Variants in TRAPPC9 observed in about 807,000 individuals in gnomAD.
The protein encoded by TRAPPC9 is trafficking protein particle complex subunit 9.
A neutral mutation model predicts 124.0 loss-of-function variants in TRAPPC9; 83 were observed. The observed-to-expected ratio is 0.67, with a 90% CI of 0.56 to 0.80. TRAPPC9 has a LOEUF of 0.80. Ranked by LOEUF, TRAPPC9 falls within the 30% of genes least tolerant of loss-of-function variation. The pLI is 0.00. For synonymous variants in TRAPPC9, 638 were observed against 617.5 expected (o/e 1.03, Z -0.49); for missense variants, 1,302 against 1,508.3 (o/e 0.86, Z 2.27).
At chr8:140,020,406 G>A (rs1310354084) in intron 18 of TRAPPC9, among the ~76,000 whole-genome samples, 3 of 152,128 alleles carry the variant, frequency 2.0e-5, no homozygotes. Context: ...CAGGAGGATT[G>A]CTTGAGGCCA....
intron 19 of TRAPPC9, among the ~76,000 whole-genome samples, chr8:139,948,730 T>C (rs1354001635): frequency 6.6e-6 from 1 of 152,202 alleles, no homozygotes; most frequent in Non-Finnish European, 1.5e-5. Flanking sequence ...CTTTGCAGCC[T>C]TTCCCATTAT....
intron 17 of TRAPPC9, among the ~76,000 whole-genome samples, chr8:140,204,229 T>C (rs2062864427): frequency 6.6e-6 from 1 of 151,996 alleles, no homozygotes; most frequent in African/African-American, 2.4e-5. Context: ...AACCCAAATG[T>C]CCATCAATGA....
At chr8:140,431,475 AC>A (rs2070645224) in intron 4 of TRAPPC9, among the ~76,000 whole-genome samples, 3 of 151,948 alleles carry the variant, frequency 2.0e-5, no homozygotes. Flanking sequence ...AAAACTACTG[AC>A]CCACCTCAAA....
At chr8:139,926,692 C>T (rs183599971) in intron 19 of TRAPPC9, among the ~76,000 whole-genome samples, 26 of 151,600 alleles carry the variant, frequency 1.7e-4, no homozygotes, top group Non-Finnish European at 3.4e-4. Flanking sequence ...GCACTCCAGC[C>T]TGGGTGACAG....
At chr8:139,817,045 A>ACACACACACACACACACACAC (rs1824887532) in intron 21 of TRAPPC9, among the ~76,000 whole-genome samples, 1 of 135,288 alleles carries the variant, frequency 7.4e-6, no homozygotes, top group African/African-American at 2.9e-5. Flanking sequence ...ACATAAACTA[A>ACACACACACACACACACACAC]ACACACACAC....
At chr8:140,430,278 C>T (rs2070591736) in intron 4 of TRAPPC9, among the ~76,000 whole-genome samples, 1 of 152,154 alleles carries the variant, frequency 6.6e-6, no homozygotes, top group African/African-American at 2.4e-5. Context: ...AGAACTGTCA[C>T]CCCATGACCT....
chr8:139,997,874 C>T (rs1339584721), intron 18 of TRAPPC9, among the ~76,000 whole-genome samples: 5,331 of 25,480 alleles, frequency 0.21, 1,257 homozygotes, highest in East Asian at 0.54. Flanking sequence ...CAATGCATCC[C>T]ACACAGGGGA....
chr8:139,793,918 T>A (rs747230274), intron 21 of TRAPPC9, among the ~76,000 whole-genome samples: 1 of 152,072 alleles, frequency 6.6e-6, no homozygotes, highest in Non-Finnish European at 1.5e-5. Flanking sequence ...TCCTCTCCCA[T>A]CATCCCTACG....
At chr8:139,757,014 G>C (rs1341606340) in intron 21 of TRAPPC9, among the ~76,000 whole-genome samples, 8 of 137,302 alleles carry the variant, frequency 5.8e-5, no homozygotes, top group African/African-American at 8.3e-5. Flanking sequence ...GAGGAGCCAG[G>C]GTTTGGGGAT....
intron 9 of TRAPPC9, among the ~76,000 whole-genome samples, chr8:140,335,356 T>C (rs1389890438): frequency 2.0e-5 from 3 of 152,108 alleles, no homozygotes; most frequent in Non-Finnish European, 4.4e-5. Context: ...AATCCCCACA[T>C]GAGAGAAACT....
intron 9 of TRAPPC9, among the ~76,000 whole-genome samples, chr8:140,326,192 C>T (rs999711489): frequency 2.7e-5 from 4 of 149,938 alleles, no homozygotes; most frequent in Admixed American, 6.6e-5. Context: ...CGAGACCATC[C>T]TGGCTAACAC....
chr8:139,988,596 G>T (rs1837411847), intron 19 of TRAPPC9, 130 bp downstream of exon 19: 2 of 691,628 alleles, frequency 2.9e-6, no homozygotes, highest in Admixed American at 4.2e-5. Flanking sequence ...AGTCACTACG[G>T]TATCTCTGAA....
chr8:139,861,060 G>A (rs781066056), intron 21 of TRAPPC9, among the ~76,000 whole-genome samples: 6 of 152,244 alleles, frequency 3.9e-5, no homozygotes, highest in Admixed American at 6.5e-5. Context: ...ATATGCTGGC[G>A]GGAAGAACTG....
At chr8:139,982,742 C>T (rs1836994800) in intron 19 of TRAPPC9, among the ~76,000 whole-genome samples, 1 of 152,240 alleles carries the variant, frequency 6.6e-6, no homozygotes, top group South Asian at 2.1e-4. Context: ...GTACTTTCTA[C>T]ATCCAATCGC....
intron 18 of TRAPPC9, among the ~76,000 whole-genome samples, chr8:140,001,254 C>T (rs997226380): frequency 6.6e-6 from 1 of 151,898 alleles, no homozygotes; most frequent in Non-Finnish European, 1.5e-5. Context: ...GGGTGAGGGG[C>T]TGCGGGGATA....
intron 7 of TRAPPC9, among the ~76,000 whole-genome samples, chr8:140,393,125 G>A (rs1251539021): frequency 6.7e-6 from 1 of 150,070 alleles, no homozygotes; most frequent in African/African-American, 2.4e-5. Flanking sequence ...AGGCTGGAGT[G>A]CAGTGGCGCC....
In TRAPPC9 at chr8:140,024,054, T is replaced by C. The variant is rs752721528; in HGVS notation, c.2582A>G (p.Lys861Arg). 2.2e-5 allele frequency: 36 copies of C among 1,613,774 alleles called. No individual in the cohort carries two copies. The South Asian group carries it at 3.4e-4, about 15-fold the overall frequency. ...VKTLEAVLNFKYSGGPGHTEG... is the reference protein window; with the variant it reads ...VKTLEAVLNFRYSGGPGHTEG... ...AGTGTGGCCCGGGCCTCCAGAGTAT[T>C]TGAAATTCAGGACAGCTTCCAGGGT... The change falls in exon 18 of 23, where the codon AAA becomes AGA. Residue 861 changes from lysine (K) to arginine (R), a missense_variant. Physicochemically the swap from Lys to Arg is conservative, Grantham distance 26. Transcript: ENST00000438773.
At chr8:140,164,721 G>C (rs531871348) in intron 17 of TRAPPC9, among the ~76,000 whole-genome samples, 6 of 152,120 alleles carry the variant, frequency 3.9e-5, no homozygotes, top group African/African-American at 7.2e-5. Context: ...GTGGAACTCC[G>C]CATGGGCCTG....
At chr8:140,368,484 C>A (rs1225126369) in intron 8 of TRAPPC9, among the ~76,000 whole-genome samples, 1 of 152,108 alleles carries the variant, frequency 6.6e-6, no homozygotes, top group Non-Finnish European at 1.5e-5. Context: ...GACAAAAACC[C>A]ATAAAAACTG....
Sources: gnomAD v4.1 joint callset for allele counts (sites outside exome capture counted in the v4.1 genomes callset) on GRCh38, gnomAD v4.1.1 for gene constraint, MANE v1.5 for transcripts, NCBI Gene and HGNC (gene_info 2026-07-23, HGNC 2026-07-21) for gene names.